The following CRTAC1 variants were observed in gnomAD, a reference collection of about 807,000 sequenced individuals.
CRTAC1 encodes the protein acidic secreted protein in cartilage.
In CRTAC1, 37 loss-of-function variants were observed where a neutral mutation model predicts 67.8. That is an observed-to-expected ratio of 0.55 (90% CI 0.42 to 0.72). CRTAC1 has a LOEUF of 0.72. Among genes scored for constraint, CRTAC1 ranks in the 30% least tolerant of loss-of-function variants. The pLI, the probability that CRTAC1 is intolerant of heterozygous loss-of-function variation, is 0.00. For missense variants in CRTAC1, 780 were observed against 931.6 expected (o/e 0.84, Z 2.12); for synonymous variants, 348 against 371.0 (o/e 0.94, Z 0.71).
chr10:98,004,468 C>A (rs1842746791), intron 2 of CRTAC1, among the ~76,000 whole-genome samples: 2 of 152,112 alleles, frequency 1.3e-5, no homozygotes, highest in Non-Finnish European at 1.5e-5. Flanking sequence ...TATTTCTAGG[C>A]TATGAGTAAA....
intron 5 of CRTAC1, among the ~76,000 whole-genome samples, chr10:97,910,294 ATGT>A (rs1163217749): frequency 1.3e-5 from 2 of 152,226 alleles, no homozygotes; most frequent in East Asian, 1.9e-4. Context: ...TCAAAACATC[ATGT>A]TGTACGATGA....
intron 2 of CRTAC1, among the ~76,000 whole-genome samples, chr10:97,947,295 TAG>T (rs1252716932): frequency 3.9e-5 from 6 of 152,188 alleles, no homozygotes; most frequent in Non-Finnish European, 8.8e-5. Context: ...CAGCCTAGTA[TAG>T]CAAATAAGGA....
chr10:97,985,480 G>A (rs1230529651), intron 2 of CRTAC1, among the ~76,000 whole-genome samples: 2 of 152,084 alleles, frequency 1.3e-5, no homozygotes, highest in Non-Finnish European at 2.9e-5. Context: ...CCAGCAGCCA[G>A]CTTCGTTCTT....
intron 8 of CRTAC1, 94 bp from the exon 9 acceptor site, chr10:97,897,085 G>A (rs1007833394): frequency 6.2e-5 from 55 of 880,760 alleles, no homozygotes; most frequent in African/African-American, 3.2e-4. Flanking sequence ...GAGCATCCCC[G>A]GGTCCCAATG....
At position 97,894,711 on chromosome 10, in the gene CRTAC1, CATATATATATATATATATATATATATAT is replaced by C. The variant is rs66795716; in HGVS notation, c.1486+506_1486+533del. ...CTGTGCCCAGCCCCTGATGCTTTTA[CATATATATATATATATATATATATATAT>C]ATATATATATATATATATATATATA... On this transcript the variant is annotated intron_variant, in intron 11 of 14. Coordinates refer to ENST00000370597, the MANE Select transcript of CRTAC1 (RefSeq NM_018058.7). 9.9e-3 allele frequency among the ~76,000 whole-genome samples: 595 copies of C among 60,052 alleles called. 16 individuals are homozygous for C. Among genetic ancestry groups the C allele is most frequent in the East Asian group, 0.029 (40 of 1,370 alleles). 39.4% of individuals were successfully genotyped at this position (60,052 alleles called of 152,430 possible).
intron 2 of CRTAC1, among the ~76,000 whole-genome samples, chr10:97,959,503 G>A (rs1248365052): frequency 2.0e-5 from 3 of 152,236 alleles, no homozygotes; most frequent in Non-Finnish European, 4.4e-5. Flanking sequence ...AACATGGGCT[G>A]TACAGGGCCT....
At chr10:98,008,094 G>A (rs931878310) in intron 2 of CRTAC1, among the ~76,000 whole-genome samples, 1 of 152,132 alleles carries the variant, frequency 6.6e-6, no homozygotes, top group Non-Finnish European at 1.5e-5. Context: ...ACCTGGAAAG[G>A]ATAGGGAAAC....
At chr10:97,983,510 C>T (rs749606943) in intron 2 of CRTAC1, among the ~76,000 whole-genome samples, 2 of 148,210 alleles carry the variant, frequency 1.3e-5, no homozygotes, top group Non-Finnish European at 2.9e-5. Flanking sequence ...TCCCTCCCCT[C>T]ATTGGGTTGT....
At chr10:97,936,479 G>T in intron 2 of CRTAC1, 113 bp from the exon 3 acceptor site, 7 of 773,616 alleles carry the variant, frequency 9.0e-6, no homozygotes, top group South Asian at 3.8e-5. Flanking sequence ...GGGCAAGTCA[G>T]ACCTGGAGTG....
intron 4 of CRTAC1, 58 bp downstream of exon 4, chr10:97,923,206 C>T: frequency 6.2e-7 from 1 of 1,605,696 alleles, no homozygotes; most frequent in Non-Finnish European, 8.5e-7. Context: ...TACACAGTGG[C>T]TCCTCTCCTG....
At chr10:97,907,992 G>A in intron 6 of CRTAC1, 21 bp downstream of exon 6, 1 of 1,613,558 alleles carries the variant, frequency 6.2e-7, no homozygotes. Flanking sequence ...GGGTGCACAG[G>A]GCATGGCTGC....
At chr10:97,946,102 A>G (rs1360488203) in intron 2 of CRTAC1, among the ~76,000 whole-genome samples, 1 of 152,204 alleles carries the variant, frequency 6.6e-6, no homozygotes, top group East Asian at 1.9e-4. Flanking sequence ...CCATAACTCC[A>G]TTTCTCAATG....
At chr10:97,942,210 CTTCCTGAGGTCAG>C (rs1266100557) in intron 2 of CRTAC1, among the ~76,000 whole-genome samples, 1 of 152,202 alleles carries the variant, frequency 6.6e-6, no homozygotes, top group Non-Finnish European at 1.5e-5. Flanking sequence ...AAACTATAAG[CTTCCTGAGGTCAG>C]AGACTGTGTC....
At chr10:97,991,539 A>G (rs144990322) in intron 2 of CRTAC1, among the ~76,000 whole-genome samples, 1 of 152,238 alleles carries the variant, frequency 6.6e-6, no homozygotes, top group Admixed American at 6.5e-5. Context: ...TGGTCCAGGC[A>G]AACTCCTCCT....
chr10:97,939,668 C>T (rs900539181), intron 2 of CRTAC1, among the ~76,000 whole-genome samples: 5 of 152,132 alleles, frequency 3.3e-5, no homozygotes, highest in African/African-American at 9.7e-5. Context: ...CTTCCCTCCC[C>T]GCTTCTTCTT....
At chr10:97,878,405 G>A (rs951520046) in intron 14 of CRTAC1, 1 of 215,812 alleles carries the variant, frequency 4.6e-6, no homozygotes, top group African/African-American at 2.3e-5. Context: ...TTCATATTTT[G>A]TGATTTATTA....
chr10:98,013,071 C>G (rs1842936979), intron 1 of CRTAC1, among the ~76,000 whole-genome samples: 1 of 152,138 alleles, frequency 6.6e-6, no homozygotes, highest in South Asian at 2.1e-4. Context: ...ATTTAATAAC[C>G]AGTGTCGACA....
In CRTAC1 at chr10:97,880,358, G is replaced by A. The variant is rs762333728; in HGVS notation, c.1710C>T (p.Cys570=). ...TNECIQFPFV[C]PRDKPVCVNT... Reference sequence around the variant, plus strand: ...TGACACATACGGGCTTGTCTCGAGGGCACACGAATGGGAACTGGATGCATT... The same window carrying A: ...TGACACATACGGGCTTGTCTCGAGGACACACGAATGGGAACTGGATGCATT... The change falls in exon 14 of 15, where the codon TGC becomes TGT. Residue 570 remains cysteine (C), a synonymous_variant. Transcript: ENST00000370597. The A allele has an allele frequency of 1.9e-6, 3 of 1,614,016 alleles. No individual in the cohort carries two copies. The highest frequency in any genetic ancestry group is 2.7e-5 in the African/African-American group (2 of 74,930).
Position 97,880,773 on chromosome 10 carries a change from T to C in CRTAC1, c.1676-381A>G, listed in dbSNP as rs137983597. On this transcript the variant is annotated intron_variant, in intron 13 of 14. Coordinates refer to ENST00000370597, the MANE Select transcript of CRTAC1 (RefSeq NM_018058.7). The stretch of plus-strand genomic sequence containing the variant: ...TGTCTAAGATGCACCTCATGCTTAA[T>C]ATGTCCAAAATAGAACTCCAGATTC... 5.8e-3 allele frequency among the ~76,000 whole-genome samples: 878 copies of C among 152,290 alleles called. 9 individuals carry two copies. Among genetic ancestry groups the C allele is most frequent in the African/African-American group, 0.02 (849 of 41,542 alleles).
Sources: gnomAD v4.1 joint callset for allele counts (sites outside exome capture counted in the v4.1 genomes callset) on GRCh38, gnomAD v4.1.1 for gene constraint, MANE v1.5 for transcripts, NCBI Gene and HGNC (gene_info 2026-07-23, HGNC 2026-07-21) for gene names.